MPRIP: variants seen among roughly 807,000 people sequenced by gnomAD.
The protein encoded by MPRIP is myosin phosphatase Rho-interacting protein.
A neutral mutation model predicts 234.9 loss-of-function variants in MPRIP; 59 were observed. That is an observed-to-expected ratio of 0.25 (90% CI 0.20 to 0.31). The LOEUF is 0.31. MPRIP is among the 10% of genes least tolerant of loss of function. MPRIP has a pLI of 1.00. For missense variants in MPRIP, 2,436 were observed against 3,071.0 expected (o/e 0.79, Z 4.89); for synonymous variants, 1,144 against 1,263.9 (o/e 0.91, Z 2.01).
chr17:17,049,368 G>T (rs937783724), intron 1 of MPRIP, among the ~76,000 whole-genome samples: 4 of 152,186 alleles, frequency 2.6e-5, no homozygotes, highest in Non-Finnish European at 5.9e-5. Context: ...GTACATCCAG[G>T]TAAAACCCAT....
intron 8 of MPRIP, 83 bp from the exon 9 acceptor site, chr17:17,143,473 G>A: frequency 1.1e-6 from 1 of 875,946 alleles, no homozygotes; most frequent in East Asian, 3.1e-5. Context: ...GGCGGCTCTT[G>A]GAGGGGTGGA....
At chr17:17,119,604 G>A (rs1373328034) in intron 3 of MPRIP, among the ~76,000 whole-genome samples, 1 of 152,174 alleles carries the variant, frequency 6.6e-6, no homozygotes, top group African/African-American at 2.4e-5. Context: ...ATCAGTACCT[G>A]TAGCTACTCA....
In MPRIP at chr17:17,166,153, A is replaced by G. The variant is rs1262900306; in HGVS notation, c.4562A>G (p.His1521Arg). The change falls in exon 16 of 24, where the codon CAC becomes CGC. Residue 1521 changes from histidine to arginine, a missense_variant. By Grantham distance (29) the His-to-Arg change is conservative. This residue lies in a region of MPRIP where 1,998 missense variants were observed against 2,520.3 expected (regional missense o/e 0.79). Transcript: ENST00000651222. This position sits in a 1 kb window ranked among gnomAD's most constrained non-coding sequence, Gnocchi z 4.4. Reference sequence around the variant, plus strand: ...GTCAGCGCCATCCAAGCCCTGCAGCACTGGCCGGCCCCAGCCCATGGCGGG... The same window carrying G: ...GTCAGCGCCATCCAAGCCCTGCAGCGCTGGCCGGCCCCAGCCCATGGCGGG... ...ALVSAIQALQ[H>R]WPAPAHGGAR... The G allele has an allele frequency of 7.7e-7, 1 of 1,302,570 alleles. No homozygotes were observed. Among genetic ancestry groups the G allele is most frequent in the East Asian group, 5.6e-5 (1 of 17,992 alleles). The allele number at this position is 1,302,570 out of a possible 1,614,324, so 80.7% of individuals were successfully genotyped here.
At chr17:17,053,620 G>A (rs527316596) in intron 1 of MPRIP, among the ~76,000 whole-genome samples, 102 of 152,308 alleles carry the variant, frequency 6.7e-4, no homozygotes, top group Middle Eastern at 3.4e-3. Flanking sequence ...GGGGCAGTGC[G>A]GGGAGCACCA....
chr17:17,149,092 T>C (rs563825112), intron 11 of MPRIP, among the ~76,000 whole-genome samples: 1 of 152,212 alleles, frequency 6.6e-6, no homozygotes, highest in African/African-American at 2.4e-5. Flanking sequence ...TGTAACACAG[T>C]ACAGAGAGTT....
In MPRIP at chr17:17,173,830, C is replaced by T. The variant is rs1004789588; in HGVS notation, c.6591-86C>T. On this transcript the variant is annotated intron_variant, in intron 18 of 23. Transcript: ENST00000651222. Reference sequence around the variant, plus strand: ...CTGTGTGGGCCTGACCTGTGCTTGGCTGTGTCTGGTGTCAAGGAGGGACAC... The same window carrying T: ...CTGTGTGGGCCTGACCTGTGCTTGGTTGTGTCTGGTGTCAAGGAGGGACAC... 2.0e-6 allele frequency: 3 copies of T among 1,492,834 alleles called. No individual in the cohort carries two copies. The African/African-American group carries it at 4.1e-5, about 21-fold the overall frequency. 92.5% of individuals were successfully genotyped at this position (1,492,834 alleles called of 1,614,324 possible).
intron 1 of MPRIP, among the ~76,000 whole-genome samples, chr17:17,073,678 A>G (rs2089256882): frequency 6.6e-6 from 1 of 152,024 alleles, no homozygotes; most frequent in South Asian, 2.1e-4. Context: ...TTTCCCATGC[A>G]AGGCCTCTGG....
intron 16 of MPRIP, chr17:17,168,415 G>A (rs536823780): frequency 1.2e-4 from 30 of 250,252 alleles, no homozygotes; most frequent in African/African-American, 3.8e-4. Flanking sequence ...ACAGTCGGGC[G>A]GAGGGTCCCT....
chr17:17,083,869 G>A (rs529077837), intron 3 of MPRIP, among the ~76,000 whole-genome samples: 1 of 151,952 alleles, frequency 6.6e-6, no homozygotes. Flanking sequence ...TCAGCCTCCC[G>A]AGTAGCTGGA....
chr17:17,055,068 CT>C (rs1367125942), intron 1 of MPRIP, among the ~76,000 whole-genome samples: 14 of 146,248 alleles, frequency 9.6e-5, no homozygotes, highest in Admixed American at 2.0e-4. Flanking sequence ...AAAAAAATTT[CT>C]TTTTTTTTTA....
chr17:17,132,601 A>G (rs1176459559), intron 5 of MPRIP, among the ~76,000 whole-genome samples: 1 of 152,188 alleles, frequency 6.6e-6, no homozygotes, highest in African/African-American at 2.4e-5. Flanking sequence ...GTCAGGGAGC[A>G]TGCACTGGTC....
chr17:17,058,229 G>T (rs1422793070), intron 1 of MPRIP, among the ~76,000 whole-genome samples: 2 of 152,180 alleles, frequency 1.3e-5, no homozygotes, highest in Non-Finnish European at 2.9e-5. Flanking sequence ...AGGTGCTTAT[G>T]TTTGTGGTCC....
chr17:17,128,331 G>T (rs748678003), intron 4 of MPRIP, among the ~76,000 whole-genome samples: 81 of 152,180 alleles, frequency 5.3e-4, no homozygotes, highest in Non-Finnish European at 9.6e-4. Context: ...CTGGAGCAGG[G>T]TTGGTTCTAG....
intron 3 of MPRIP, among the ~76,000 whole-genome samples, chr17:17,110,626 GTCA>G (rs1033309218): frequency 8.5e-5 from 13 of 152,156 alleles, no homozygotes; most frequent in African/African-American, 3.1e-4. Context: ...GGCACTTAAG[GTCA>G]TCATCAACAG....
At chr17:17,126,881 G>A (rs774111456) in intron 4 of MPRIP, 28 bp downstream of exon 4, 4 of 1,603,656 alleles carry the variant, frequency 2.5e-6, no homozygotes, top group Non-Finnish European at 3.4e-6. Context: ...GTGGAACAAG[G>A]CACCACCACC....
intron 3 of MPRIP, among the ~76,000 whole-genome samples, chr17:17,115,091 G>A (rs1027348561): frequency 2.0e-5 from 3 of 152,280 alleles, no homozygotes; most frequent in South Asian, 2.1e-4. Context: ...CATTGTTGCT[G>A]CTGGCATTAG....
At chr17:17,168,555 C>T (rs955207006) in intron 16 of MPRIP, 11 of 336,700 alleles carry the variant, frequency 3.3e-5, no homozygotes, top group African/African-American at 1.5e-4. Context: ...CCTGCATCCC[C>T]GCCCCTGAGG....
chr17:17,150,216 T>G lies in MPRIP; in HGVS notation c.1702T>G (p.Tyr568Asp). 6.2e-7 allele frequency: 1 copy of G among 1,612,960 alleles called. No homozygotes were observed. Among genetic ancestry groups the G allele is most frequent in the Non-Finnish European group, 8.5e-7 (1 of 1,179,094 alleles). Residue 568 changes from tyrosine (Y) to aspartate (D), a missense_variant, in exon 12 of 24, where the codon TAT (tyrosine) becomes GAT (aspartate). Physicochemically the swap from Tyr to Asp is radical, Grantham distance 160. Around this residue, in one of 4 missense-constraint regions of MPRIP, gnomAD observed 1,998 missense variants for 2,520.3 expected, o/e 0.79. Transcript: ENST00000651222. Reference sequence around the variant, plus strand: ...CACAGAGTATCCAGTTCAGAGAAACTATGGCTTCCAGATACATGTGAGTCC... The same window carrying G: ...CACAGAGTATCCAGTTCAGAGAAACGATGGCTTCCAGATACATGTGAGTCC... ...DVTEYPVQRN[Y>D]GFQIHTKEGE... is the part of the protein sequence containing the mutation.
intron 22 of MPRIP, among the ~76,000 whole-genome samples, chr17:17,178,956 G>C (rs1209719733): frequency 6.6e-6 from 1 of 152,154 alleles, no homozygotes; most frequent in Non-Finnish European, 1.5e-5. Context: ...CTGACCTGTG[G>C]TGGAATCACA....
Sources: allele counts gnomAD v4.1 joint callset (sites outside exome capture counted in the v4.1 genomes callset), GRCh38; gene constraint gnomAD v4.1.1; regional missense constraint gnomAD v4.1.1; non-coding constraint Gnocchi (gnomAD v3.1); transcripts MANE v1.5; gene names NCBI Gene and HGNC (gene_info 2026-07-23, HGNC 2026-07-21).